MYO9A: variants seen among roughly 807,000 people sequenced by gnomAD.
The protein encoded by MYO9A is myosin IXA, also known as unconventional myosin-IXa.
A neutral mutation model predicts 293.3 loss-of-function variants in MYO9A; 103 were observed. The ratio of observed to expected loss-of-function variants is 0.35; its 90% CI spans 0.30 to 0.41. The LOEUF (loss-of-function observed/expected upper bound fraction) is 0.41. Ranked by LOEUF, MYO9A falls within the 10% of genes least tolerant of loss-of-function variation. The probability of loss-of-function intolerance (pLI) is 1.00; values close to 1 mark genes in which losing one functional copy is unlikely to be tolerated. For missense variants in MYO9A, 2,685 were observed against 3,033.0 expected (o/e 0.89, Z 2.69); for synonymous variants, 1,001 against 1,035.7 (o/e 0.97, Z 0.64).
Position 72,037,088 on chromosome 15 carries a change from T to G in MYO9A, c.841-4500A>C, listed in dbSNP as rs1389279875. Among the ~76,000 whole-genome samples, 8 of 151,218 alleles carry G rather than the reference T, an allele frequency of 5.3e-5. No individual in the cohort carries two copies. The East Asian group carries it at 1.6e-3, about 29-fold the overall frequency. On this transcript the variant is annotated intron_variant, in intron 2 of 41. Coordinates refer to ENST00000356056, the MANE Select transcript of MYO9A (RefSeq NM_006901.4). ...CTCACTCTGTCAACCCAGACTGGAG[T>G]GCAGTGGTGTCATAAGGACTTTCTT... is the stretch of plus-strand genomic sequence containing the variant.
At chr15:72,041,296 G>T in intron 2 of MYO9A, 1 of 902,038 alleles carries the variant, frequency 1.1e-6, no homozygotes, top group Non-Finnish European at 1.8e-6. Context: ...TATTTGCCTA[G>T]TTCACTTTCT....
intron 8 of MYO9A, among the ~76,000 whole-genome samples, chr15:72,004,734 C>T (rs374628772): frequency 2.9e-4 from 44 of 152,260 alleles, no homozygotes; most frequent in African/African-American, 1.1e-3. Context: ...GGAGCTTGTT[C>T]ACCTTTCAAT....
chr15:71,927,915 G>C (rs2058354952), intron 18 of MYO9A, among the ~76,000 whole-genome samples: 1 of 148,378 alleles, frequency 6.7e-6, no homozygotes, highest in African/African-American at 2.5e-5. Context: ...TTTGTTTAAA[G>C]TCAACTAACC....
At chr15:71,971,055 G>C (rs1759535405) in intron 12 of MYO9A, among the ~76,000 whole-genome samples, 1 of 151,960 alleles carries the variant, frequency 6.6e-6, no homozygotes, top group Admixed American at 6.6e-5. Flanking sequence ...CAGCTGCTCG[G>C]GAGGCTGAGG....
intron 33 of MYO9A, 69 bp from the exon 34 acceptor site, chr15:71,859,865 T>C: frequency 7.3e-7 from 1 of 1,364,988 alleles, no homozygotes; most frequent in Non-Finnish European, 1.0e-6. Flanking sequence ...TTATCAAGTA[T>C]ACTTTATTTT....
intron 13 of MYO9A, chr15:71,960,310 G>C: frequency 3.8e-6 from 2 of 523,692 alleles, no homozygotes; most frequent in Non-Finnish European, 6.8e-6. Flanking sequence ...TAATGAATGA[G>C]TTTTTGTTCT....
chr15:72,022,539 A>G (rs955089480), intron 4 of MYO9A, among the ~76,000 whole-genome samples: 1 of 151,676 alleles, frequency 6.6e-6, no homozygotes, highest in Admixed American at 6.6e-5. Flanking sequence ...AAAAAATCCA[A>G]TTTTGTTGTG....
At chr15:71,849,047 T>TAGAC in intron 38 of MYO9A, 79 bp from the exon 39 acceptor site, 1 of 1,354,824 alleles carries the variant, frequency 7.4e-7, no homozygotes, top group Non-Finnish European at 9.8e-7. Flanking sequence ...GTTTTTGTGG[T>TAGAC]AGACAGTTGA....
intron 1 of MYO9A, among the ~76,000 whole-genome samples, chr15:72,103,111 A>C (rs1321542496): frequency 1.4e-5 from 2 of 146,840 alleles, no homozygotes; most frequent in Non-Finnish European, 3.0e-5. Context: ...AAGGAGAATC[A>C]CTTGAGCCTG....
At chr15:71,910,100 A>C (rs1017603985) in intron 19 of MYO9A, among the ~76,000 whole-genome samples, 11 of 143,838 alleles carry the variant, frequency 7.6e-5, no homozygotes, top group African/African-American at 2.9e-4. Flanking sequence ...ATATATATAT[A>C]CGTATATATA....
chr15:72,101,231 C>T (rs1322611039), intron 1 of MYO9A, among the ~76,000 whole-genome samples: 13 of 123,856 alleles, frequency 1.0e-4, no homozygotes, highest in African/African-American at 4.0e-4. Context: ...CCGCCCCGTC[C>T]GGGAGGGAGG....
At chr15:71,845,540 T>C (rs1384620228) in intron 39 of MYO9A, among the ~76,000 whole-genome samples, 1 of 152,196 alleles carries the variant, frequency 6.6e-6, no homozygotes, top group African/African-American at 2.4e-5. Flanking sequence ...AAGATGCTAT[T>C]TGCCATTTTC....
At chr15:71,879,006 C>T (rs2056789253) in intron 30 of MYO9A, among the ~76,000 whole-genome samples, 1 of 152,114 alleles carries the variant, frequency 6.6e-6, no homozygotes, top group East Asian at 1.9e-4. Context: ...CTACCCGCCT[C>T]AGCCACCCAA....
intron 32 of MYO9A, among the ~76,000 whole-genome samples, chr15:71,867,095 C>A (rs926317135): frequency 2.0e-5 from 3 of 151,612 alleles, no homozygotes; most frequent in Non-Finnish European, 4.4e-5. Context: ...CACACACACA[C>A]ACACACAAAA....
chr15:71,948,849 G>C (rs2058983145), intron 15 of MYO9A, among the ~76,000 whole-genome samples: 1 of 151,672 alleles, frequency 6.6e-6, no homozygotes, highest in Admixed American at 6.6e-5. Context: ...AGCAACAGTG[G>C]ATACTGTTAG....
chr15:71,916,342 A>C, intron 19 of MYO9A, 28 bp downstream of exon 19: 1 of 1,600,074 alleles, frequency 6.2e-7, no homozygotes, highest in Non-Finnish European at 8.5e-7. Context: ...ACAGATTCTT[A>C]TTTGTTTTAA....
intron 1 of MYO9A, among the ~76,000 whole-genome samples, chr15:72,109,881 G>C (rs2080714037): frequency 6.7e-6 from 1 of 150,222 alleles, no homozygotes; most frequent in Non-Finnish European, 1.5e-5. Context: ...GGGCGACAGA[G>C]CAAGACTCTG....
intron 3 of MYO9A, among the ~76,000 whole-genome samples, chr15:72,028,218 A>AATAAATAAATATATAT (rs1555408276): frequency 6.7e-5 from 9 of 134,244 alleles, no homozygotes; most frequent in African/African-American, 2.5e-4. Context: ...TAAATAAATA[A>AATAAATAAATATATAT]ATATATATAT....
chr15:71,970,503 C>T (rs1014490696), intron 12 of MYO9A, among the ~76,000 whole-genome samples: 1 of 152,288 alleles, frequency 6.6e-6, no homozygotes, highest in Admixed American at 6.5e-5. Context: ...CAAAATAGTT[C>T]TTCCTACATG....
Sources: gnomAD v4.1 joint callset for allele counts (sites outside exome capture counted in the v4.1 genomes callset) on GRCh38, gnomAD v4.1.1 for gene constraint, MANE v1.5 for transcripts, NCBI Gene and HGNC (gene_info 2026-07-23, HGNC 2026-07-21) for gene names.